PLB1: variants seen among roughly 807,000 people sequenced by gnomAD.
PLB1 encodes the protein phospholipase B1, membrane-associated.
A neutral mutation model predicts 227.4 loss-of-function variants in PLB1; 242 were observed. The ratio of observed to expected loss-of-function variants is 1.06; its 90% CI spans 0.96 to 1.18. The LOEUF (loss-of-function observed/expected upper bound fraction) is 1.18. PLB1 is among the 50% of genes most tolerant of loss of function. The probability of loss-of-function intolerance (pLI) is 0.00; values close to 1 mark genes in which losing one functional copy is unlikely to be tolerated. For missense variants in PLB1, 1,858 were observed against 1,816.3 expected (o/e 1.02, Z -0.42); for synonymous variants, 757 against 682.2 (o/e 1.11, Z -1.71).
At position 28,496,071 on chromosome 2, in the gene PLB1, G is replaced by A. The variant is rs751403061; in HGVS notation, c.-44G>A. Reference sequence around the variant, plus strand: ...AGGTGTGATAGCCCATCCATCTGCTGGAGCAGCTCTTCCAGAGGCCCGAGT... The same window carrying A: ...AGGTGTGATAGCCCATCCATCTGCTAGAGCAGCTCTTCCAGAGGCCCGAGT... On this transcript the variant is annotated 5_prime_UTR_variant, in exon 1 of 58. Coordinates refer to ENST00000327757, the MANE Select transcript of PLB1 (RefSeq NM_153021.5). The A allele has an allele frequency of 6.3e-7, 1 of 1,589,796 alleles. No homozygotes were observed. Among genetic ancestry groups the A allele is most frequent in the Non-Finnish European group, 8.6e-7 (1 of 1,158,290 alleles).
At position 28,629,102 on chromosome 2, in the gene PLB1, G is replaced by A; in HGVS notation, c.3735G>A (p.Arg1245=). Residue 1245 remains arginine, a synonymous_variant, in exon 53 of 58, where the codon AGG becomes AGA. Coordinates refer to ENST00000327757, the MANE Select transcript of PLB1 (RefSeq NM_153021.5). ...ALDILSEELP[R]AFVNVVEVME... ...CCCTCCACTCCCTGCAGCTCCCAAG[G>A]GCTTTCGTCAACGTGGTGGAGGTCA... The A allele has an allele frequency of 6.2e-7, 1 of 1,613,734 alleles. No homozygotes were observed. The highest frequency in any genetic ancestry group is 8.5e-7 in the Non-Finnish European group (1 of 1,179,812).
chr2:28,529,887 C>A, intron 8 of PLB1, 108 bp downstream of exon 8: 1 of 964,018 alleles, frequency 1.0e-6, no homozygotes, highest in Non-Finnish European at 1.6e-6. Flanking sequence ...AACTCGGCAA[C>A]TAGTGTGACC....
intron 37 of PLB1, 26 bp downstream of exon 37, chr2:28,601,358 CTTG>C (rs1285572727): frequency 2.1e-5 from 34 of 1,598,876 alleles, no homozygotes; most frequent in East Asian, 4.5e-5. Flanking sequence ...TCCAGGCCTA[CTTG>C]TTGTTCCTAA....
In PLB1 at chr2:28,618,979, C is replaced by G. The variant is rs573469242; in HGVS notation, c.3315+580C>G. 2.0e-5 allele frequency among the ~76,000 whole-genome samples: 3 copies of G among 152,294 alleles called. No homozygotes were observed. In the South Asian group the frequency reaches 6.2e-4, roughly 32 times the overall value. On this transcript the variant is annotated intron_variant, in intron 46 of 57. Transcript: ENST00000327757. Reference sequence around the variant, plus strand: ...CCAGCAACCTGTCTGGCTGGAAAAACAAGAAACGTACACAGAAAGAAATGC... The same window carrying G: ...CCAGCAACCTGTCTGGCTGGAAAAAGAAGAAACGTACACAGAAAGAAATGC...
chr2:28,604,103 A>G (rs748343703), intron 40 of PLB1, 56 bp downstream of exon 40: 1 of 1,498,930 alleles, frequency 6.7e-7, no homozygotes, highest in Non-Finnish European at 9.3e-7. Flanking sequence ...ACTCTAACAC[A>G]CAGCCCAGAG....
chr2:28,601,834 G>A (rs1197686282), intron 37 of PLB1, 65 bp from the exon 38 acceptor site: 1 of 1,362,242 alleles, frequency 7.3e-7, no homozygotes, highest in Non-Finnish European at 1.0e-6. Context: ...GGGAAGTTGA[G>A]AACTGCCCCA....
Position 28,543,246 on chromosome 2 carries a change from C to A in PLB1, c.914C>A (p.Ala305Asp). 2 of 1,612,550 alleles carry A rather than the reference C, an allele frequency of 1.2e-6. No individual in the cohort carries two copies. The highest frequency in any genetic ancestry group is 1.7e-6 in the Non-Finnish European group (2 of 1,179,454). ...DPRLQDSTTL[A>D]WHLWNRMMEP... ...CGACTCCAGGATTCTACCACGCTGGCCTGGCATCTCTGGAATAGGATGGTG... is the reference window on the plus strand; with the variant it reads ...CGACTCCAGGATTCTACCACGCTGGACTGGCATCTCTGGAATAGGATGGTG... The change falls in exon 14 of 58, where the codon GCC becomes GAC. Residue 305 changes from alanine (A) to aspartate (D), a missense_variant. By Grantham distance (126) the Ala-to-Asp change is moderately radical. Transcript: ENST00000327757.
chr2:28,582,411 C>T lies in PLB1; in HGVS notation c.1639C>T (p.Arg547Trp), dbSNP rs1208272524. 8.1e-6 allele frequency: 13 copies of T among 1,612,602 alleles called. No homozygotes were observed. Among genetic ancestry groups the T allele is most frequent in the African/African-American group, 5.3e-5 (4 of 74,882 alleles). ...ALDILHAEVP[R>W]AFVNLVTVLE... ...TGAGTTTGCCTTTTCTCAGGTTCCT[C>T]GGGCATTTGTGAACCTGGTGACGGT... The change falls in exon 25 of 58, where the codon CGG becomes TGG. Residue 547 changes from arginine (R) to tryptophan (W), a missense_variant. Coordinates refer to ENST00000327757, the MANE Select transcript of PLB1 (RefSeq NM_153021.5).
chr2:28,549,301 G>A (rs1392757517), intron 15 of PLB1, among the ~76,000 whole-genome samples: 4 of 151,770 alleles, frequency 2.6e-5, no homozygotes, highest in Non-Finnish European at 5.9e-5. Context: ...CTGAAAAGTG[G>A]ATCATTTTGA....
At chr2:28,598,473 A>T (rs1332863978) in intron 34 of PLB1, among the ~76,000 whole-genome samples, 179 bp from the exon 35 acceptor site, 2 of 152,164 alleles carry the variant, frequency 1.3e-5, no homozygotes, top group African/African-American at 2.4e-5. Context: ...TCATCAGGTC[A>T]TGTCAACTTA....
rs147006916 is a variant in PLB1 at position 28,588,705 on chromosome 2, A to C, written c.1816-745A>C. Among the ~76,000 whole-genome samples the C allele has an allele frequency of 1.6e-4, 25 of 152,336 alleles. 1 individual carries two copies. In the East Asian group the frequency reaches 4.2e-3, roughly 26 times the overall value. ...AGGGTTACACAGATCTGAGAGCCTC[A>C]AAGAAGTGCACACACACCATGCACA... On this transcript the variant is annotated intron_variant, in intron 26 of 57. Transcript: ENST00000327757.
chr2:28,637,291 C>G (rs1689474805), intron 56 of PLB1, among the ~76,000 whole-genome samples: 1 of 118,452 alleles, frequency 8.4e-6, no homozygotes. Flanking sequence ...AAAACTCTGT[C>G]TCAAATTTAA....
intron 34 of PLB1, 50 bp downstream of exon 34, chr2:28,598,098 C>T: frequency 6.6e-7 from 1 of 1,522,482 alleles, no homozygotes; most frequent in Non-Finnish European, 8.9e-7. Context: ...ACCCATCTGG[C>T]CCCTTGGCTT....
At chr2:28,590,978 G>A (rs1456662745) in intron 29 of PLB1, among the ~76,000 whole-genome samples, 155 bp from the exon 30 acceptor site, 5 of 152,208 alleles carry the variant, frequency 3.3e-5, no homozygotes, top group Admixed American at 3.3e-4. Flanking sequence ...ACGGCCCCCT[G>A]CATCTTGGGA....
At chr2:28,617,506 A>G (rs1686356729) in intron 44 of PLB1, among the ~76,000 whole-genome samples, 1 of 152,204 alleles carries the variant, frequency 6.6e-6, no homozygotes, top group Non-Finnish European at 1.5e-5. Flanking sequence ...GGAGACATGC[A>G]CTATGGGTTG....
At chr2:28,628,251 G>T (rs1202332388) in intron 51 of PLB1, among the ~76,000 whole-genome samples, 1 of 152,214 alleles carries the variant, frequency 6.6e-6, no homozygotes, top group East Asian at 1.9e-4. Flanking sequence ...GTCAGATGAC[G>T]GATGGGACTG....
Position 28,640,913 on chromosome 2 carries a change from T to G in PLB1, c.4099-14T>G. On this transcript the variant is annotated splice_polypyrimidine_tract_variant and intron_variant, in intron 56 of 57. Coordinates refer to ENST00000327757, the MANE Select transcript of PLB1 (RefSeq NM_153021.5). ...GCTTTGGAGAGAATCGAGGTGTCCT[T>G]TCTCTCTCTCCAGCTGGAACCAGTG... 1 of 1,611,452 alleles carries G rather than the reference T, an allele frequency of 6.2e-7. No homozygotes were observed. The highest frequency in any genetic ancestry group is 8.5e-7 in the Non-Finnish European group (1 of 1,178,456).
intron 46 of PLB1, 103 bp from the exon 47 acceptor site, chr2:28,620,162 A>C: frequency 1.4e-6 from 1 of 712,268 alleles, no homozygotes; most frequent in Non-Finnish European, 2.2e-6. Context: ...TATTTTTAGA[A>C]AAGGCAAATC....
chr2:28,589,544 C>T lies in PLB1; in HGVS notation c.1910C>T (p.Pro637Leu), dbSNP rs542830492. The change falls in exon 27 of 58, where the codon CCA becomes CTA. Residue 637 changes from proline (P) to leucine (L), a missense_variant. Transcript: ENST00000327757. ...VQPFFENVDM[P>L]KTSEGLPDNS... is the part of the protein sequence containing the mutation. The stretch of plus-strand genomic sequence containing the variant: ...CCGTTCTTTGAAAACGTGGACATGC[C>T]AAAGACCTCGGTAAAGAAAGCAAGC... 4 of 1,613,934 alleles carry T rather than the reference C, an allele frequency of 2.5e-6. No individual in the cohort carries two copies. Among genetic ancestry groups the T allele is most frequent in the Non-Finnish European group, 3.4e-6 (4 of 1,179,976 alleles).
Sources: allele counts gnomAD v4.1 joint callset (sites outside exome capture counted in the v4.1 genomes callset), GRCh38; gene constraint gnomAD v4.1.1; transcripts MANE v1.5; gene names NCBI Gene and HGNC (gene_info 2026-07-23, HGNC 2026-07-21).